EYS: variants seen among roughly 807,000 people sequenced by gnomAD.
EYS encodes EGF-like photoreceptor maintenance factor.
In EYS, 250 loss-of-function variants were observed where a neutral mutation model predicts 282.1. The observed-to-expected ratio is 0.89, with a 90% CI of 0.80 to 0.98. The LOEUF is 0.98. Ranked by LOEUF, EYS falls within the 50% of genes least tolerant of loss-of-function variation. The pLI is 0.00. For missense variants in EYS, 4,016 were observed against 3,709.0 expected, an observed-to-expected ratio of 1.08 and a Z score of -2.15; for synonymous variants, 1,355 against 1,282.9, an observed-to-expected ratio of 1.06 and a Z score of -1.20.
chr6:63,736,761 A>G (rs1167840921), intron 41 of EYS, among the ~76,000 whole-genome samples: 3 of 151,674 alleles, frequency 2.0e-5, no homozygotes, highest in East Asian at 1.9e-4. Flanking sequence ...CTTTTATTTC[A>G]TTGAGCAGTG....
chr6:64,195,751 A>G (rs559787757), intron 31 of EYS, among the ~76,000 whole-genome samples: 1 of 152,330 alleles, frequency 6.6e-6, no homozygotes, highest in Admixed American at 6.5e-5. Flanking sequence ...ATCATTTAAA[A>G]TAGTCTCTTG....
At chr6:65,107,422 G>A (rs1280949558) in intron 12 of EYS, among the ~76,000 whole-genome samples, 5 of 151,310 alleles carry the variant, frequency 3.3e-5, no homozygotes, top group African/African-American at 7.3e-5. Flanking sequence ...ATTGGCTCTT[G>A]GGAACATAAA....
chr6:64,637,795 G>C (rs1768028632), intron 22 of EYS, among the ~76,000 whole-genome samples: 1 of 89,886 alleles, frequency 1.1e-5, no homozygotes, highest in South Asian at 4.8e-4. Flanking sequence ...GCTGGTGGAT[G>C]CTGGTCTTAA....
intron 1 of EYS, among the ~76,000 whole-genome samples, chr6:65,652,407 G>T (rs564978535): frequency 6.6e-6 from 1 of 152,126 alleles, no homozygotes; most frequent in Admixed American, 6.6e-5. Flanking sequence ...AAGGAGGATA[G>T]GGAGGAGGAG....
chr6:64,974,423 T>C (rs1333794091), intron 14 of EYS, among the ~76,000 whole-genome samples: 1 of 148,270 alleles, frequency 6.7e-6, no homozygotes, highest in African/African-American at 2.6e-5. Flanking sequence ...GATTCTTGAG[T>C]TCCAGCTCAT....
At chr6:65,503,835 T>C (rs912742555) in intron 2 of EYS, among the ~76,000 whole-genome samples, 19 of 151,834 alleles carry the variant, frequency 1.3e-4, no homozygotes, top group Non-Finnish European at 2.5e-4. Context: ...CTTTTGTCAA[T>C]ACCAGGCTAC....
intron 31 of EYS, among the ~76,000 whole-genome samples, chr6:64,226,027 T>G (rs558166253): frequency 6.6e-6 from 1 of 152,282 alleles, no homozygotes; most frequent in East Asian, 1.9e-4. Context: ...CACCTGTTTC[T>G]TGGTCCTTTT....
Position 63,726,662 on chromosome 6 carries a change from G to A in EYS, c.8090C>T (p.Pro2697Leu). The A allele has an allele frequency of 6.4e-7, 1 of 1,551,076 alleles. No homozygotes were observed. The highest frequency in any genetic ancestry group is 8.7e-7 in the Non-Finnish European group (1 of 1,146,612). The change falls in exon 42 of 43, where the codon CCA becomes CTA. Residue 2697 changes from proline (P) to leucine (L), a missense_variant. Physicochemically the swap from Pro to Leu is moderately conservative, Grantham distance 98. Transcript: ENST00000503581. ...YCEQALSISD[P>L]SFRSNELSWM... ...GGATAACTCATTGCTTCTGAAAGATGGATCACTTATGGATAAAGCTGAGGG... is the reference window on the plus strand; with the variant it reads ...GGATAACTCATTGCTTCTGAAAGATAGATCACTTATGGATAAAGCTGAGGG...
rs558384461 is a variant in EYS, at chr6:65,452,498, C to T, written c.862+38096G>A. ...ATAGCTTGCAATGTATTACCTCATTCGAGATAATAATATGTAATTAGTTGA... is the reference window on the plus strand; with the variant it reads ...ATAGCTTGCAATGTATTACCTCATTTGAGATAATAATATGTAATTAGTTGA... On this transcript the variant is annotated intron_variant, in intron 5 of 42. Coordinates refer to ENST00000503581, the MANE Select transcript of EYS (RefSeq NM_001142800.2). 4.6e-5 allele frequency among the ~76,000 whole-genome samples: 7 copies of T among 151,786 alleles called. No homozygotes were observed. The South Asian group carries it at 6.2e-4, about 14-fold the overall frequency.
chr6:65,024,514 A>G (rs1314682127), intron 13 of EYS, among the ~76,000 whole-genome samples: 2 of 152,162 alleles, frequency 1.3e-5, no homozygotes, highest in African/African-American at 4.8e-5. Context: ...CAGAATGCCC[A>G]TGTGCTTCAG....
intron 19 of EYS, among the ~76,000 whole-genome samples, chr6:64,864,385 C>CTTCTTTTTTTTTTTTTTTTTTTT (rs1766348907): frequency 1.7e-5 from 1 of 57,166 alleles, no homozygotes; most frequent in Non-Finnish European, 3.6e-5. Context: ...GCTATACCTT[C>CTTCTTTTTTTTTTTTTTTTTTTT]TTTTTTTTTT....
At chr6:63,969,742 C>T (rs937871475) in intron 35 of EYS, among the ~76,000 whole-genome samples, 11 of 152,224 alleles carry the variant, frequency 7.2e-5, no homozygotes, top group Non-Finnish European at 1.3e-4. Flanking sequence ...TCATCCCCCA[C>T]AGGACCAGTC....
chr6:64,285,484 T>A (rs1768465952), intron 30 of EYS, among the ~76,000 whole-genome samples: 1 of 152,208 alleles, frequency 6.6e-6, no homozygotes, highest in Non-Finnish European at 1.5e-5. Flanking sequence ...TTATCAGTAT[T>A]TTTGTCAAAG....
At chr6:63,815,873 A>G (rs1771165370) in intron 36 of EYS, among the ~76,000 whole-genome samples, 1 of 152,198 alleles carries the variant, frequency 6.6e-6, no homozygotes, top group South Asian at 2.1e-4. Context: ...ATAAAAGATT[A>G]GGAAAAGCAA....
At chr6:65,490,394 T>C (rs2127266159) in intron 5 of EYS, 200 bp downstream of exon 5, 1 of 478,116 alleles carries the variant, frequency 2.1e-6, no homozygotes, top group Non-Finnish European at 3.8e-6. Context: ...CTTCTTATGC[T>C]ATAAAACATT....
At chr6:64,912,436 CTAAT>C in intron 16 of EYS, 44 bp downstream of exon 16, 5 of 1,506,510 alleles carry the variant, frequency 3.3e-6, no homozygotes, top group Middle Eastern at 1.7e-4. Flanking sequence ...AATACACAAA[CTAAT>C]TAAGTAATTA....
intron 36 of EYS, among the ~76,000 whole-genome samples, chr6:63,853,034 T>C (rs939364178): frequency 2.0e-5 from 3 of 152,212 alleles, no homozygotes; most frequent in Non-Finnish European, 4.4e-5. Context: ...GTATACTGAA[T>C]GGGCAAAAGC....
chr6:64,825,396 A>C (rs1230949932), intron 19 of EYS, among the ~76,000 whole-genome samples: 1 of 151,846 alleles, frequency 6.6e-6, no homozygotes, highest in Non-Finnish European at 1.5e-5. Flanking sequence ...AGCTTCATAA[A>C]GGCATAGATT....
intron 36 of EYS, among the ~76,000 whole-genome samples, chr6:63,829,593 G>A (rs1771570064): frequency 6.6e-6 from 1 of 152,226 alleles, no homozygotes; most frequent in South Asian, 2.1e-4. Flanking sequence ...AACCACTGCA[G>A]CTCAAGGAGG....
Sources: gnomAD v4.1 joint callset for allele counts (sites outside exome capture counted in the v4.1 genomes callset) on GRCh38, gnomAD v4.1.1 for gene constraint, MANE v1.5 for transcripts, NCBI Gene and HGNC (gene_info 2026-07-23, HGNC 2026-07-21) for gene names.